Variants in LINGO2 observed in about 807,000 individuals in gnomAD.
The protein encoded by LINGO2 is leucine-rich repeat and immunoglobulin-like domain-containing nogo receptor-interacting protein 2.
In LINGO2, 14 loss-of-function variants were observed where a neutral mutation model predicts 30.6. The ratio of observed to expected loss-of-function variants is 0.46; its 90% CI spans 0.30 to 0.72. The LOEUF (loss-of-function observed/expected upper bound fraction) is 0.72. Ranked by LOEUF, LINGO2 falls within the 30% of genes least tolerant of loss-of-function variation. The pLI, the probability that LINGO2 is intolerant of heterozygous loss-of-function variation, is 0.07. For missense variants in LINGO2, 729 were observed against 751.7 expected, an observed-to-expected ratio of 0.97 and a Z score of 0.35; for synonymous variants, 317 against 288.5, an observed-to-expected ratio of 1.10 and a Z score of -1.00.
chr9:28,976,110 G>A, the LINGO2 span, among the ~76,000 whole-genome samples: 4 of 152,090 alleles, frequency 2.6e-5, no homozygotes, highest in Non-Finnish European at 5.9e-5. Context: ...CCTTTGACAA[G>A]TCCAAACGCT....
In LINGO2 at chr9:28,104,272, T is replaced by TG. The variant is rs1025555003; in HGVS notation, c.-86-91868_-86-91867insC. On this transcript the variant is annotated intron_variant, in intron 4 of 5. Coordinates refer to ENST00000379992, the Ensembl canonical transcript of LINGO2. Reference sequence around the variant, plus strand: ...CAGTACAAGTTTTTTGTTTGTTTTTTTTTTTTTTTTTTTTGCTTTTTTTTC... The same window carrying TG: ...CAGTACAAGTTTTTTGTTTGTTTTTTGTTTTTTTTTTTTTTGCTTTTTTTTC... 1.7e-4 allele frequency among the ~76,000 whole-genome samples: 25 copies of TG among 147,020 alleles called. 1 individual carries two copies. The highest frequency in any genetic ancestry group is 5.7e-4 in the African/African-American group (23 of 40,570).
At chr9:28,875,951 T>C in the LINGO2 span, among the ~76,000 whole-genome samples, 1,047 of 152,246 alleles carry the variant, frequency 6.9e-3, 6 homozygotes, top group Non-Finnish European at 0.012. Context: ...AGAAGAGGTA[T>C]TAATCAATCA....
At chr9:29,191,682 C>G in the LINGO2 span, among the ~76,000 whole-genome samples, 1 of 152,120 alleles carries the variant, frequency 6.6e-6, no homozygotes, top group Non-Finnish European at 1.5e-5. Flanking sequence ...ATACCATAAT[C>G]AGGATAGCAC....
the LINGO2 span, among the ~76,000 whole-genome samples, chr9:28,857,832 A>AT: frequency 6.6e-6 from 1 of 152,100 alleles, no homozygotes. Flanking sequence ...TGTTGAAAAT[A>AT]TATTTTGGAT....
chr9:28,730,119 G>A, the LINGO2 span, among the ~76,000 whole-genome samples: 1 of 152,122 alleles, frequency 6.6e-6, no homozygotes. Flanking sequence ...TCTCAAAAAT[G>A]TATCTGCCAT....
At chr9:28,545,185 C>T (rs1476697224) in intron 1 of LINGO2, among the ~76,000 whole-genome samples, 1 of 151,900 alleles carries the variant, frequency 6.6e-6, no homozygotes, top group Non-Finnish European at 1.5e-5. Context: ...ATAAAGGGAC[C>T]GATAAGGATT....
At chr9:28,963,813 A>G in the LINGO2 span, among the ~76,000 whole-genome samples, 22 of 151,836 alleles carry the variant, frequency 1.4e-4, no homozygotes, top group African/African-American at 5.3e-4. Context: ...GAGATTGGTT[A>G]ATGGGTACAA....
intron 3 of LINGO2, among the ~76,000 whole-genome samples, chr9:28,348,782 C>G (rs1428977231): frequency 6.6e-6 from 1 of 152,024 alleles, no homozygotes; most frequent in African/African-American, 2.4e-5. Context: ...GTGGTTCTCC[C>G]AGCACGCAGC....
the LINGO2 span, among the ~76,000 whole-genome samples, chr9:29,113,271 T>C: frequency 3.9e-5 from 6 of 152,088 alleles, no homozygotes; most frequent in Non-Finnish European, 7.4e-5. Context: ...AAAATAAAAT[T>C]GAAGCAAGAA....
intron 1 of LINGO2, among the ~76,000 whole-genome samples, chr9:28,518,311 T>C (rs1166402306): frequency 5.9e-5 from 9 of 152,206 alleles, no homozygotes; most frequent in South Asian, 2.1e-4. Flanking sequence ...TTCAATGAAA[T>C]ATATGAAGGT....
chr9:28,880,187 C>T, the LINGO2 span, among the ~76,000 whole-genome samples: 2 of 152,166 alleles, frequency 1.3e-5, no homozygotes, highest in African/African-American at 4.8e-5. Context: ...TTGTTCACTG[C>T]AACCTCCGCC....
chr9:28,939,246 C>A, the LINGO2 span, among the ~76,000 whole-genome samples: 2 of 152,118 alleles, frequency 1.3e-5, no homozygotes, highest in Non-Finnish European at 2.9e-5. Context: ...AACAGCCACT[C>A]CTCCTCTGCT....
chr9:27,976,708 T>C (rs1820611489), intron 5 of LINGO2, among the ~76,000 whole-genome samples: 1 of 152,094 alleles, frequency 6.6e-6, no homozygotes, highest in Non-Finnish European at 1.5e-5. Context: ...TATTTCTAAA[T>C]AGGGACTATT....
At chr9:28,885,940 C>T in the LINGO2 span, among the ~76,000 whole-genome samples, 1 of 152,106 alleles carries the variant, frequency 6.6e-6, no homozygotes, top group Non-Finnish European at 1.5e-5. Flanking sequence ...TTGAACTTGC[C>T]TAATATACTC....
In LINGO2 at chr9:28,189,698, AGGG is replaced by A. The variant is rs1378075508; in HGVS notation, c.-87+105507_-87+105509del. Among the ~76,000 whole-genome samples the A allele has an allele frequency of 1.7e-3, 129 of 73,732 alleles. 15 individuals are homozygous for A. Among genetic ancestry groups the A allele is most frequent in the Non-Finnish European group, 2.5e-3 (73 of 28,984 alleles). The allele number at this position is 73,732 out of a possible 152,430, so 48.4% of individuals were successfully genotyped here. A position where few individuals can be genotyped will look rare whatever the true frequency, so the allele number is the denominator to read the frequency against. On this transcript the variant is annotated intron_variant, in intron 4 of 5. Coordinates refer to ENST00000379992, the Ensembl canonical transcript of LINGO2. The stretch of plus-strand genomic sequence containing the variant: ...AAGGAAGGAAGGGAGGAAGGAAGGG[AGGG>A]AGGAAGGAAGGAAGGAAGGAAGGTT...
the LINGO2 span, among the ~76,000 whole-genome samples, chr9:29,024,117 C>T: frequency 2.6e-5 from 4 of 152,016 alleles, no homozygotes; most frequent in Non-Finnish European, 5.9e-5. Context: ...TCAATAAAAC[C>T]CTTTAAACCG....
At chr9:29,152,195 AAC>A in the LINGO2 span, among the ~76,000 whole-genome samples, 1 of 152,192 alleles carries the variant, frequency 6.6e-6, no homozygotes, top group Non-Finnish European at 1.5e-5. Context: ...GAGAAAAGGG[AAC>A]ACTTATACAT....
At chr9:29,070,928 A>G in the LINGO2 span, among the ~76,000 whole-genome samples, 1 of 150,874 alleles carries the variant, frequency 6.6e-6, no homozygotes, top group South Asian at 2.1e-4. Context: ...CTCCAACCCC[A>G]TCCTTGTAAA....
intron 4 of LINGO2, among the ~76,000 whole-genome samples, chr9:28,151,412 C>T (rs898455335): frequency 6.6e-6 from 1 of 151,686 alleles, no homozygotes; most frequent in East Asian, 1.9e-4. Context: ...TACATACACA[C>T]ATATATACAA....
Sources: gnomAD v4.1 joint callset for allele counts (sites outside exome capture counted in the v4.1 genomes callset) on GRCh38, gnomAD v4.1.1 for gene constraint, MANE v1.5 for transcripts, NCBI Gene and HGNC (gene_info 2026-07-23, HGNC 2026-07-21) for gene names.